BLTP1: variants seen among roughly 807,000 people sequenced by gnomAD.
The protein encoded by BLTP1 is fragile site-associated protein.
chr4:122,176,415 G>A, the BLTP1 span, among the ~76,000 whole-genome samples: 2 of 152,062 alleles, frequency 1.3e-5, no homozygotes, highest in South Asian at 2.1e-4. Context: ...CTTCAGTAAG[G>A]CATCACATTT....
the BLTP1 span, among the ~76,000 whole-genome samples, chr4:122,160,932 A>G: frequency 6.6e-6 from 1 of 152,242 alleles, no homozygotes; most frequent in African/African-American, 2.4e-5. Flanking sequence ...AAGGTTTTCA[A>G]GTTAAGCGTT....
At chr4:122,243,348 A>C in the BLTP1 span, 1 of 910,194 alleles carries the variant, frequency 1.1e-6, no homozygotes, top group South Asian at 5.0e-5. Flanking sequence ...TCAGGTAAAT[A>C]TATTAAAATT....
the BLTP1 span, chr4:122,301,367 TCTC>T: frequency 6.3e-7 from 1 of 1,599,398 alleles, no homozygotes; most frequent in African/African-American, 1.3e-5. Context: ...AACCTAAAAT[TCTC>T]CTCTATTCCC....
At chr4:122,307,841 G>A in the BLTP1 span, 3 of 1,512,338 alleles carry the variant, frequency 2.0e-6, no homozygotes, top group South Asian at 2.7e-5. Flanking sequence ...TTTTCTGGGT[G>A]TAATTTTTAT....
chr4:122,242,999 T>G, the BLTP1 span: 1 of 1,573,860 alleles, frequency 6.4e-7, no homozygotes, highest in Non-Finnish European at 8.7e-7. Context: ...ATATTCTAGG[T>G]TATCAAGCAG....
the BLTP1 span, chr4:122,247,367 T>C: frequency 6.2e-7 from 1 of 1,612,300 alleles, no homozygotes; most frequent in South Asian, 1.1e-5. Context: ...GGTAGGATTC[T>C]ACAACAAATA....
At chr4:122,180,861 G>T in the BLTP1 span, among the ~76,000 whole-genome samples, 4 of 152,152 alleles carry the variant, frequency 2.6e-5, no homozygotes, top group African/African-American at 7.2e-5. Context: ...AACAAACAAG[G>T]TTTAGATGTA....
At chr4:122,271,922 T>A in the BLTP1 span, among the ~76,000 whole-genome samples, 7 of 152,216 alleles carry the variant, frequency 4.6e-5, no homozygotes, top group African/African-American at 1.7e-4. Flanking sequence ...TTTAAACTCT[T>A]ACGTGGTATG....
chr4:122,249,641 G>A, the BLTP1 span: 2 of 1,613,510 alleles, frequency 1.2e-6, no homozygotes, highest in African/African-American at 2.7e-5. Context: ...AAATGGGGAT[G>A]GATAATGTTT....
the BLTP1 span, among the ~76,000 whole-genome samples, chr4:122,278,514 T>G: frequency 2.0e-5 from 3 of 152,198 alleles, no homozygotes; most frequent in Non-Finnish European, 4.4e-5. Flanking sequence ...CGAGCATTTT[T>G]CTAGTAAAGC....
the BLTP1 span, chr4:122,247,306 A>G: frequency 1.2e-6 from 2 of 1,613,340 alleles, no homozygotes; most frequent in Non-Finnish European, 1.7e-6. Flanking sequence ...AATTGCAGCT[A>G]AGTTAAACAT....
At chr4:122,293,386 A>C in the BLTP1 span, among the ~76,000 whole-genome samples, 1 of 152,300 alleles carries the variant, frequency 6.6e-6, no homozygotes, top group East Asian at 1.9e-4. Context: ...AAGGAAAAGC[A>C]GGGTGAGGTG....
chr4:122,333,917 A>T, the BLTP1 span: 1 of 1,358,340 alleles, frequency 7.4e-7, no homozygotes, highest in South Asian at 1.5e-5. Flanking sequence ...AGACTTAGTG[A>T]CTTCTTTGTC....
the BLTP1 span, among the ~76,000 whole-genome samples, chr4:122,284,061 T>A: frequency 6.6e-6 from 1 of 152,226 alleles, no homozygotes; most frequent in African/African-American, 2.4e-5. Flanking sequence ...TTAAGATATC[T>A]AGGTATCTTG....
the BLTP1 span, chr4:122,263,384 C>T: frequency 4.1e-6 from 6 of 1,460,258 alleles, no homozygotes; most frequent in East Asian, 1.3e-4. Context: ...ATATAAATTA[C>T]ATTTTTTTGC....
the BLTP1 span, among the ~76,000 whole-genome samples, chr4:122,218,131 T>G: frequency 6.6e-6 from 1 of 152,266 alleles, no homozygotes; most frequent in East Asian, 1.9e-4. Flanking sequence ...TCATGGATGG[T>G]CCATCATTTT....
the BLTP1 span, among the ~76,000 whole-genome samples, chr4:122,340,314 G>T: frequency 6.6e-6 from 1 of 152,152 alleles, no homozygotes; most frequent in East Asian, 1.9e-4. Flanking sequence ...TGCATTAAGC[G>T]TGAAAAAAAT....
chr4:122,219,485 A>C, the BLTP1 span: 8 of 1,613,980 alleles, frequency 5.0e-6, no homozygotes, highest in Admixed American at 1.7e-5. Context: ...GGTTCAGCCA[A>C]GTCAATTCAT....
At chr4:122,233,738 A>G in the BLTP1 span, among the ~76,000 whole-genome samples, 1 of 152,096 alleles carries the variant, frequency 6.6e-6, no homozygotes, top group Non-Finnish European at 1.5e-5. Context: ...TTACTTTTTG[A>G]AAGATTCTCC....
Sources: gnomAD v4.1 joint callset for allele counts (sites outside exome capture counted in the v4.1 genomes callset) on GRCh38, gnomAD v4.1.1 for gene constraint, MANE v1.5 for transcripts, NCBI Gene and HGNC (gene_info 2026-07-23, HGNC 2026-07-21) for gene names.